Variants in ME3 observed in about 807,000 individuals in gnomAD.
ME3 encodes malic enzyme 3, also known as NADP-dependent malic enzyme, mitochondrial.
A neutral mutation model predicts 68.9 loss-of-function variants in ME3; 48 were observed. That is an observed-to-expected ratio of 0.70 (90% CI 0.55 to 0.89). The LOEUF is 0.89. Ranked by LOEUF, ME3 falls within the 40% of genes least tolerant of loss-of-function variation. The probability of loss-of-function intolerance (pLI) is 0.00; values close to 1 mark genes in which losing one functional copy is unlikely to be tolerated. For missense variants in ME3, 675 were observed against 797.4 expected (o/e 0.85, Z 1.85); for synonymous variants, 320 against 318.8 (o/e 1.00, Z -0.04).
At chr11:86,654,460 G>A (rs1453996901) in intron 2 of ME3, among the ~76,000 whole-genome samples, 1 of 152,124 alleles carries the variant, frequency 6.6e-6, no homozygotes, top group African/African-American at 2.4e-5. Flanking sequence ...ATCAATAAAC[G>A]TAATCCAGCA....
At chr11:86,491,744 A>G (rs916204083) in intron 6 of ME3, among the ~76,000 whole-genome samples, 17 of 152,238 alleles carry the variant, frequency 1.1e-4, no homozygotes, top group Admixed American at 5.9e-4. Flanking sequence ...ATTTCAGCAG[A>G]CAGTATTGCC....
At chr11:86,620,163 C>T (rs1943252741) in intron 2 of ME3, among the ~76,000 whole-genome samples, 3 of 152,136 alleles carry the variant, frequency 2.0e-5, no homozygotes, top group Admixed American at 2.0e-4. Flanking sequence ...GTTCAAAAAA[C>T]GTTTTTTTAA....
At chr11:86,538,816 G>A (rs1373743166) in intron 4 of ME3, among the ~76,000 whole-genome samples, 1 of 152,100 alleles carries the variant, frequency 6.6e-6, no homozygotes, top group Non-Finnish European at 1.5e-5. Flanking sequence ...TCCTCACTTT[G>A]CCCTACATCC....
Position 86,672,315 on chromosome 11 carries a change from C to T in ME3, c.-15+9G>A, listed in dbSNP as rs896839669. ...TGGCTTGCCTCGGTCCTCTCCTTCC[C>T]TGGCCCACCTGCGCTGCTCGGGGAG... On this transcript the variant is annotated intron_variant, in intron 1 of 14. Coordinates refer to ENST00000543262, the Ensembl canonical transcript of ME3. 3 of 200,802 alleles carry T rather than the reference C, an allele frequency of 1.5e-5. No homozygotes were observed. Among genetic ancestry groups the T allele is most frequent in the Non-Finnish European group, 3.0e-5 (3 of 100,894 alleles). The allele number at this position is 200,802 out of a possible 1,614,324, so 12.4% of individuals were successfully genotyped here.
rs2139442926 is a variant in ME3, at chr11:86,556,485, G to A, written c.467+68C>T. 2.0e-6 allele frequency: 3 copies of A among 1,533,854 alleles called. No homozygotes were observed. The South Asian group carries it at 3.8e-5, about 19-fold the overall frequency. ...CCTCCAGAGTCCCAATATGCATGAA[G>A]GGCGGAAAGAATTTATTCCCCTCTA... On this transcript the variant is annotated intron_variant, in intron 4 of 14. Coordinates refer to ENST00000543262, the Ensembl canonical transcript of ME3.
chr11:86,457,381 C>T (rs1311771947), intron 8 of ME3: 1 of 458,756 alleles, frequency 2.2e-6, no homozygotes, highest in East Asian at 1.3e-4. Context: ...GTCAGGGTCC[C>T]CAAGTACCTC....
chr11:86,535,275 C>T (rs939480668), intron 4 of ME3, among the ~76,000 whole-genome samples: 1 of 152,176 alleles, frequency 6.6e-6, no homozygotes, highest in Non-Finnish European at 1.5e-5. Context: ...TTCTTCCAGT[C>T]AGTAAAAATG....
chr11:86,599,508 A>C (rs1008877748), intron 2 of ME3, among the ~76,000 whole-genome samples: 5 of 152,322 alleles, frequency 3.3e-5, no homozygotes, highest in South Asian at 2.1e-4. Context: ...GAGAATGGAA[A>C]CAAGTTGGAA....
At chr11:86,559,712 G>A (rs377467432) in exon 3 of ME3, 35 of 1,613,586 alleles carry the variant, frequency 2.2e-5, no homozygotes, top group Middle Eastern at 3.3e-4. Context: ...CTCTGCTGCC[G>A]CTCGTAATAT....
intron 4 of ME3, among the ~76,000 whole-genome samples, chr11:86,514,164 G>GA (rs1448588507): frequency 1.3e-5 from 2 of 152,208 alleles, no homozygotes; most frequent in East Asian, 3.8e-4. Flanking sequence ...ACCTTGTGAA[G>GA]AAGGTGCCTG....
At chr11:86,608,277 G>T (rs906463349) in intron 2 of ME3, among the ~76,000 whole-genome samples, 1 of 152,070 alleles carries the variant, frequency 6.6e-6, no homozygotes, top group African/African-American at 2.4e-5. Flanking sequence ...AAATACTGCC[G>T]TGTACCTCTT....
intron 2 of ME3, among the ~76,000 whole-genome samples, chr11:86,567,518 C>A (rs1413569726): frequency 6.6e-6 from 1 of 152,184 alleles, no homozygotes; most frequent in East Asian, 1.9e-4. Flanking sequence ...CTCAGAGCAC[C>A]TTAGGGAGGC....
chr11:86,440,554 C>A (rs1948937162), downstream of ME3, among the ~76,000 whole-genome samples: 1 of 152,112 alleles, frequency 6.6e-6, no homozygotes, highest in African/African-American at 2.4e-5. Context: ...GGCAGGCTGA[C>A]CCTCCCCACC....
At chr11:86,542,773 G>A (rs1956126385) in intron 4 of ME3, among the ~76,000 whole-genome samples, 1 of 152,130 alleles carries the variant, frequency 6.6e-6, no homozygotes, top group Admixed American at 6.6e-5. Context: ...AGCAAGGCAG[G>A]CCAACATTCA....
At chr11:86,627,848 G>A (rs1272319571) in intron 2 of ME3, among the ~76,000 whole-genome samples, 1 of 152,242 alleles carries the variant, frequency 6.6e-6, no homozygotes, top group African/African-American at 2.4e-5. Context: ...TGCAAGGAAA[G>A]GGTGGCTTCA....
At chr11:86,564,092 T>C (rs544563118) in intron 2 of ME3, among the ~76,000 whole-genome samples, 17 of 152,344 alleles carry the variant, frequency 1.1e-4, no homozygotes, top group African/African-American at 3.6e-4. Context: ...GGAATGTTTT[T>C]CCATTTACTG....
intron 3 of ME3, 103 bp downstream of exon 3, chr11:86,559,587 G>C: frequency 5.7e-6 from 8 of 1,398,604 alleles, no homozygotes; most frequent in Non-Finnish European, 7.7e-6. Context: ...TGGGCTCTCA[G>C]CCTTTTTTAG....
chr11:86,444,744 T>A (rs1337494332), intron 13 of ME3, among the ~76,000 whole-genome samples: 1 of 152,038 alleles, frequency 6.6e-6, no homozygotes, highest in African/African-American at 2.4e-5. Flanking sequence ...TGAAAGGAGG[T>A]GGTGAATGCA....
chr11:86,612,294 T>G (rs1208449070), intron 2 of ME3, among the ~76,000 whole-genome samples: 1 of 152,272 alleles, frequency 6.6e-6, no homozygotes, highest in Non-Finnish European at 1.5e-5. Flanking sequence ...TACCACATTT[T>G]CTTTATCCAG....
Sources: allele counts gnomAD v4.1 joint callset (sites outside exome capture counted in the v4.1 genomes callset), GRCh38; gene constraint gnomAD v4.1.1; transcripts MANE v1.5; gene names NCBI Gene and HGNC (gene_info 2026-07-23, HGNC 2026-07-21).